Variants in STXBP5L observed in about 807,000 individuals in gnomAD.
The protein encoded by STXBP5L is syntaxin-binding protein 5-like.
A neutral mutation model predicts 144.5 loss-of-function variants in STXBP5L; 65 were observed. That is an observed-to-expected ratio of 0.45 (90% confidence interval 0.37 to 0.55). The LOEUF (loss-of-function observed/expected upper bound fraction) is 0.55, where lower values mean the gene tolerates loss of function less well. Among genes scored for constraint, STXBP5L ranks in the 20% least tolerant of loss-of-function variants. The pLI, the probability that STXBP5L is intolerant of heterozygous loss-of-function variation, is 0.00. For synonymous variants in STXBP5L, 505 were observed against 469.6 expected (o/e 1.08, Z -0.97); for missense variants, 1,298 against 1,405.5 (o/e 0.92, Z 1.22).
intron 3 of STXBP5L, among the ~76,000 whole-genome samples, chr3:120,991,625 T>A (rs577272152): frequency 1.3e-5 from 2 of 152,288 alleles, no homozygotes; most frequent in South Asian, 4.1e-4. Context: ...ATGTGGCACA[T>A]ATACACCATG....
intron 3 of STXBP5L, among the ~76,000 whole-genome samples, chr3:120,986,805 A>G (rs1942329151): frequency 6.6e-6 from 1 of 151,908 alleles, no homozygotes; most frequent in Non-Finnish European, 1.5e-5. Flanking sequence ...TACTTTAAAT[A>G]AAAAAATTAC....
chr3:121,120,182 T>C (rs1313991209), intron 6 of STXBP5L, among the ~76,000 whole-genome samples: 4 of 151,304 alleles, frequency 2.6e-5, no homozygotes, highest in East Asian at 1.9e-4. Flanking sequence ...AAGTACACTT[T>C]GGTAAGTGTT....
intron 9 of STXBP5L, among the ~76,000 whole-genome samples, chr3:121,182,995 G>T (rs2047221161): frequency 6.6e-6 from 1 of 152,158 alleles, no homozygotes. Flanking sequence ...GTGATGCAGG[G>T]ATAGCTTAAC....
intron 5 of STXBP5L, chr3:121,049,531 G>A (rs1947786597): frequency 1.3e-5 from 2 of 154,276 alleles, no homozygotes; most frequent in Middle Eastern, 5.1e-4. Context: ...AGGAGGGAGG[G>A]TTGTGGATGT....
At chr3:121,378,689 T>C in intron 20 of STXBP5L, 27 bp from the exon 21 acceptor site, 1 of 1,608,136 alleles carries the variant, frequency 6.2e-7, no homozygotes, top group South Asian at 1.1e-5. Context: ...TCATTATATG[T>C]ATGCTGCCTT....
chr3:121,367,753 C>T (rs1049249108), intron 20 of STXBP5L, among the ~76,000 whole-genome samples: 2 of 149,636 alleles, frequency 1.3e-5, no homozygotes, highest in African/African-American at 4.9e-5. Flanking sequence ...GGACTGTAGG[C>T]ATTTGCCACC....
intron 3 of STXBP5L, among the ~76,000 whole-genome samples, chr3:121,020,732 A>AG (rs934985505): frequency 1.3e-5 from 2 of 152,136 alleles, no homozygotes; most frequent in Non-Finnish European, 2.9e-5. Context: ...GCCACTACCA[A>AG]GCCAGCACCA....
chr3:121,003,121 G>A (rs1943932727), intron 3 of STXBP5L, among the ~76,000 whole-genome samples: 1 of 152,146 alleles, frequency 6.6e-6, no homozygotes, highest in Non-Finnish European at 1.5e-5. Context: ...GATCCCCGAG[G>A]AATTGCCACA....
intron 8 of STXBP5L, 83 bp from the exon 9 acceptor site, chr3:121,157,421 G>A (rs147873566): frequency 0.014 from 18,199 of 1,336,378 alleles, 167 homozygotes; most frequent in Middle Eastern, 0.021. Flanking sequence ...TTTTATATCA[G>A]AATAGTTTTT....
At chr3:120,943,270 A>G (rs1710662125) in intron 2 of STXBP5L, among the ~76,000 whole-genome samples, 1 of 151,762 alleles carries the variant, frequency 6.6e-6, no homozygotes, top group Non-Finnish European at 1.5e-5. Flanking sequence ...GGTAGCAGCA[A>G]TCTGTAAAGT....
chr3:121,307,903 A>G (rs959043734), intron 19 of STXBP5L, among the ~76,000 whole-genome samples: 5 of 152,230 alleles, frequency 3.3e-5, no homozygotes, highest in African/African-American at 1.2e-4. Flanking sequence ...ACACGCTACA[A>G]GGCAAAAAAC....
chr3:121,311,278 T>A (rs1171978148), intron 19 of STXBP5L, among the ~76,000 whole-genome samples: 1 of 152,150 alleles, frequency 6.6e-6, no homozygotes, highest in African/African-American at 2.4e-5. Context: ...GAATGCAAAA[T>A]AGACAGCCCC....
intron 9 of STXBP5L, among the ~76,000 whole-genome samples, chr3:121,197,280 T>C (rs1365881477): frequency 2.6e-5 from 4 of 152,168 alleles, no homozygotes; most frequent in Non-Finnish European, 5.9e-5. Flanking sequence ...TATAGTTGGA[T>C]ACTATTTGCT....
At chr3:121,130,930 A>G (rs1246174975) in intron 7 of STXBP5L, among the ~76,000 whole-genome samples, 12 of 152,210 alleles carry the variant, frequency 7.9e-5, no homozygotes, top group East Asian at 3.9e-4. Flanking sequence ...TCTTTAAATC[A>G]TATATCAATA....
chr3:120,987,394 A>G (rs1942387810), intron 3 of STXBP5L, among the ~76,000 whole-genome samples: 1 of 151,840 alleles, frequency 6.6e-6, no homozygotes, highest in Non-Finnish European at 1.5e-5. Context: ...TAAACATGTT[A>G]TTTGCCATCT....
At chr3:120,998,055 A>G (rs1943489572) in intron 3 of STXBP5L, among the ~76,000 whole-genome samples, 1 of 152,228 alleles carries the variant, frequency 6.6e-6, no homozygotes, top group Admixed American at 6.6e-5. Context: ...AAAACCCTCA[A>G]CAAACAAAGC....
chr3:121,203,530 A>G (rs1282580522), intron 9 of STXBP5L, among the ~76,000 whole-genome samples: 1 of 152,216 alleles, frequency 6.6e-6, no homozygotes. Flanking sequence ...AGTAAGAAAT[A>G]TAATTGTCGA....
At chr3:121,248,298 A>C (rs2049922036) in intron 14 of STXBP5L, among the ~76,000 whole-genome samples, 1 of 152,204 alleles carries the variant, frequency 6.6e-6, no homozygotes, top group African/African-American at 2.4e-5. Flanking sequence ...TCCTGACCTC[A>C]GGTAATCTGC....
chr3:121,127,899 C>A (rs1366811748), intron 7 of STXBP5L, among the ~76,000 whole-genome samples: 5 of 151,816 alleles, frequency 3.3e-5, no homozygotes, highest in Non-Finnish European at 1.5e-5. Context: ...CGTGTAATGA[C>A]TTCACCTAAA....
Sources: gnomAD v4.1 joint callset for allele counts (sites outside exome capture counted in the v4.1 genomes callset) on GRCh38, gnomAD v4.1.1 for gene constraint, MANE v1.5 for transcripts, NCBI Gene and HGNC (gene_info 2026-07-23, HGNC 2026-07-21) for gene names.